Variants in MECOM observed in about 807,000 individuals in gnomAD.
MECOM encodes histone-lysine N-methyltransferase MECOM.
A neutral mutation model predicts 116.3 loss-of-function variants in MECOM; 13 were observed. The ratio of observed to expected loss-of-function variants is 0.11; its 90% confidence interval spans 0.07 to 0.18. The LOEUF (loss-of-function observed/expected upper bound fraction) is 0.18, where lower values mean the gene tolerates loss of function less well. MECOM is among the 10% of genes least tolerant of loss of function. MECOM has a pLI of 1.00. For synonymous variants in MECOM, 528 were observed against 535.2 expected (o/e 0.99, Z 0.19); for missense variants, 1,299 against 1,509.0 (o/e 0.86, Z 2.31).
rs917629370 is a variant in MECOM at position 169,543,476 on chromosome 3, G to A, written c.37+119860C>T. The stretch of plus-strand genomic sequence containing the variant: ...TGTAGTCCTAGCTACTTGGGAGGCT[G>A]AAACCCAGGTGTTTAAGGTTACAGT... On this transcript the variant is annotated intron_variant, in intron 1 of 16. Transcript: ENST00000651503. Among the ~76,000 whole-genome samples the A allele has an allele frequency of 3.9e-5, 6 of 152,132 alleles. No homozygotes were observed. In the South Asian group the frequency reaches 8.3e-4, roughly 21 times the overall value.
intron 1 of MECOM, among the ~76,000 whole-genome samples, chr3:169,444,820 T>C (rs1476545672): frequency 6.6e-6 from 1 of 152,074 alleles, no homozygotes; most frequent in African/African-American, 2.4e-5. Context: ...ATGCTGATAG[T>C]GATATGAACA....
intron 1 of MECOM, among the ~76,000 whole-genome samples, chr3:169,438,725 A>T (rs768425841): frequency 2.0e-5 from 3 of 152,182 alleles, no homozygotes; most frequent in Non-Finnish European, 4.4e-5. Context: ...CCAGCACGTG[A>T]AGAAATGTTT....
intron 1 of MECOM, among the ~76,000 whole-genome samples, chr3:169,473,318 C>CGAAT (rs1183432479): frequency 6.6e-6 from 1 of 151,948 alleles, no homozygotes; most frequent in East Asian, 1.9e-4. Flanking sequence ...AACACAAGAG[C>CGAAT]GAATATATGA....
intron 4 of MECOM, 25 bp downstream of exon 4, chr3:169,131,404 G>A (rs1362358192): frequency 1.3e-6 from 2 of 1,568,262 alleles, no homozygotes; most frequent in Admixed American, 1.7e-5. Flanking sequence ...AAGGTGATAA[G>A]GAGGGTGGCG....
intron 1 of MECOM, among the ~76,000 whole-genome samples, chr3:169,519,336 A>G (rs1477800894): frequency 6.6e-6 from 1 of 152,232 alleles, no homozygotes; most frequent in Non-Finnish European, 1.5e-5. Context: ...GACCTCAGCC[A>G]TTTAACCCTT....
At chr3:169,218,736 A>G (rs903139080) in intron 2 of MECOM, among the ~76,000 whole-genome samples, 1 of 152,158 alleles carries the variant, frequency 6.6e-6, no homozygotes, top group African/African-American at 2.4e-5. Flanking sequence ...ATCATTCTGT[A>G]TTAGGCATCA....
rs1770708260 is a variant in MECOM, at chr3:169,621,436, TTTGA to T, written c.37+41896_37+41899del. On this transcript the variant is annotated intron_variant, in intron 1 of 16. Transcript: ENST00000651503. ...CAGTTGTTGTAGAATAGCTCTTTGA[TTTGA>T]TTGTTTATAAATGTTTTCAAAAAAT... 3.3e-5 allele frequency among the ~76,000 whole-genome samples: 5 copies of T among 152,292 alleles called. No individual in the cohort carries two copies. In the South Asian group the frequency reaches 1.0e-3, roughly 32 times the overall value.
In MECOM at chr3:169,593,121, G is replaced by A. The variant is rs192031431; in HGVS notation, c.37+70215C>T. Reference sequence around the variant, plus strand: ...GCCCAGGCTAGTCTGAAAATCCTGGGCTCAAGTGATCCTCTGGCCTCAGCC... The same window carrying A: ...GCCCAGGCTAGTCTGAAAATCCTGGACTCAAGTGATCCTCTGGCCTCAGCC... On this transcript the variant is annotated intron_variant, in intron 1 of 16. Coordinates refer to ENST00000651503, the MANE Select transcript of MECOM (RefSeq NM_004991.4). Among the ~76,000 whole-genome samples, 144 of 152,298 alleles carry A rather than the reference G, an allele frequency of 9.5e-4. 1 individual carries two copies. The highest frequency in any genetic ancestry group is 4.6e-3 in the South Asian group (22 of 4,822).
intron 1 of MECOM, among the ~76,000 whole-genome samples, chr3:169,525,101 G>A (rs906700819): frequency 6.6e-6 from 1 of 152,052 alleles, no homozygotes; most frequent in Non-Finnish European, 1.5e-5. Flanking sequence ...AAATAACGGA[G>A]TTTCTAATAT....
intron 1 of MECOM, among the ~76,000 whole-genome samples, chr3:169,411,869 T>G (rs1001023016): frequency 6.6e-6 from 1 of 152,110 alleles, no homozygotes; most frequent in Non-Finnish European, 1.5e-5. Context: ...TGCATGCCTG[T>G]GATCCCAGCT....
chr3:169,606,647 C>T (rs973152903), intron 1 of MECOM, among the ~76,000 whole-genome samples: 3 of 152,078 alleles, frequency 2.0e-5, no homozygotes, highest in African/African-American at 7.2e-5. Context: ...GGCAGGCAGT[C>T]CCAGACAGGT....
chr3:169,262,941 A>T (rs1757733850), intron 2 of MECOM, among the ~76,000 whole-genome samples: 1 of 150,952 alleles, frequency 6.6e-6, no homozygotes, highest in Non-Finnish European at 1.5e-5. Context: ...AGAAACAATC[A>T]CTACTTCAGC....
At chr3:169,235,321 G>A (rs1228578494) in intron 2 of MECOM, among the ~76,000 whole-genome samples, 1 of 151,624 alleles carries the variant, frequency 6.6e-6, no homozygotes, top group South Asian at 2.1e-4. Flanking sequence ...TTTTTAGTTT[G>A]TCATGAAATG....
chr3:169,325,441 G>A (rs1358907528), intron 2 of MECOM, among the ~76,000 whole-genome samples: 1 of 152,254 alleles, frequency 6.6e-6, no homozygotes, highest in East Asian at 1.9e-4. Flanking sequence ...AGTTCAAGTT[G>A]TCCCCTTCAT....
At chr3:169,307,459 G>A (rs940056048) in intron 2 of MECOM, among the ~76,000 whole-genome samples, 4 of 151,994 alleles carry the variant, frequency 2.6e-5, no homozygotes, top group Non-Finnish European at 5.9e-5. Context: ...CTGTGGTCCC[G>A]GCTACTTGGG....
In MECOM at chr3:169,663,424, G is replaced by T; in HGVS notation, c.-52C>A. ...TGTGTGGTTGGGGCTTTTTTTTCTT[G>T]GATCCTTTCCTTCTTTTGCTCTCCC... On this transcript the variant is annotated 5_prime_UTR_variant, in exon 1 of 17. Transcript: ENST00000651503. 1.3e-6 allele frequency: 2 copies of T among 1,563,958 alleles called. No individual in the cohort carries two copies. Among genetic ancestry groups the T allele is most frequent in the Non-Finnish European group, 1.7e-6 (2 of 1,153,492 alleles).
intron 1 of MECOM, among the ~76,000 whole-genome samples, chr3:169,597,575 G>A (rs564752995): frequency 6.6e-6 from 1 of 152,326 alleles, no homozygotes; most frequent in African/African-American, 2.4e-5. Context: ...AAAAAATCAT[G>A]TTGGGTTTTT....
At chr3:169,141,356 G>A (rs1055514633) in intron 3 of MECOM, among the ~76,000 whole-genome samples, 13 of 152,014 alleles carry the variant, frequency 8.6e-5, no homozygotes, top group African/African-American at 3.1e-4. Flanking sequence ...AGACAGGTGA[G>A]TTGATGTCAT....
At chr3:169,162,572 C>T (rs182759741) in intron 2 of MECOM, among the ~76,000 whole-genome samples, 16 of 152,168 alleles carry the variant, frequency 1.1e-4, no homozygotes, top group Middle Eastern at 3.4e-3. Flanking sequence ...GGAGCTTAGG[C>T]GAAACATATT....
Sources: allele counts gnomAD v4.1 joint callset (sites outside exome capture counted in the v4.1 genomes callset), GRCh38; gene constraint gnomAD v4.1.1; transcripts MANE v1.5; gene names NCBI Gene and HGNC (gene_info 2026-07-23, HGNC 2026-07-21).